ODF2: variants seen among roughly 807,000 people sequenced by gnomAD.
ODF2 encodes the protein outer dense fiber protein 2.
ODF2 carries 47 observed loss-of-function variants against 110.2 expected under a neutral mutation model. The ratio of observed to expected loss-of-function variants is 0.43; its 90% CI spans 0.34 to 0.54. ODF2 has a LOEUF of 0.54. Ranked by LOEUF, ODF2 falls within the 20% of genes least tolerant of loss-of-function variation. ODF2 has a pLI of 0.03. For synonymous variants in ODF2, 352 were observed against 397.7 expected (o/e 0.89, Z 1.37); for missense variants, 812 against 1,054.5 (o/e 0.77, Z 3.19).
At chr9:128,456,751 C>CGCCCGGCGGGGGGGG in intron 1 of ODF2, 1 of 962,794 alleles carries the variant, frequency 1.0e-6, no homozygotes, top group Non-Finnish European at 1.2e-6. Flanking sequence ...CCAGGGCCCT[C>CGCCCGGCGGGGGGGG]GCCCGGCGGG....
intron 18 of ODF2, chr9:128,497,447 ATATATATATATATATATATATATATATAT>A (rs2064636532): frequency 2.6e-5 from 1 of 37,872 alleles, no homozygotes; most frequent in Non-Finnish European, 4.0e-5. Context: ...AAAAAAAAAA[ATATATATATATATATATATATATATATAT>A]ATATATATAT....
At chr9:128,500,101 T>C (rs1185147179) in exon 21 of ODF2, 1 of 1,614,156 alleles carries the variant, frequency 6.2e-7, no homozygotes. Context: ...CTGCAAGACC[T>C]GAAAGATCGC....
intron 1 of ODF2, chr9:128,457,033 G>A: frequency 1.6e-6 from 2 of 1,278,936 alleles, no homozygotes; most frequent in Non-Finnish European, 2.0e-6. Flanking sequence ...CGCCCTCTCC[G>A]CACGTCCGCC....
chr9:128,455,304 C>A, upstream of ODF2: 1 of 1,391,902 alleles, frequency 7.2e-7, no homozygotes, highest in Non-Finnish European at 9.8e-7. Context: ...GTAATACAAG[C>A]ACTTTGGAAG....
Position 128,494,973 on chromosome 9 carries a change from C to A in ODF2, c.1911+305C>A. On this transcript the variant is annotated intron_variant, in intron 17 of 20. Transcript: ENST00000604420. The surrounding 1 kb of genome is among the most constrained non-coding windows in gnomAD (Gnocchi z 4.6). ...TCCGCAGCTGTCCTCAGCTCCACACCCACAGCTGGGAGATGCCAGCAGACA... is the reference window on the plus strand; with the variant it reads ...TCCGCAGCTGTCCTCAGCTCCACACACACAGCTGGGAGATGCCAGCAGACA... The A allele has an allele frequency of 1.4e-6, 1 of 694,976 alleles. No homozygotes were observed. The highest frequency in any genetic ancestry group is 2.3e-6 in the Non-Finnish European group (1 of 438,520). The allele number at this position is 694,976 out of a possible 1,614,324, so 43.1% of individuals were successfully genotyped here. A position where few individuals can be genotyped will look rare whatever the true frequency, so the allele number is the denominator to read the frequency against.
intron 4 of ODF2, among the ~76,000 whole-genome samples, chr9:128,468,167 A>G (rs1838791147): frequency 6.6e-6 from 1 of 151,956 alleles, no homozygotes; most frequent in Non-Finnish European, 1.5e-5. Context: ...TTTCCAATTT[A>G]CCCACTTGTT....
At chr9:128,462,936 T>C (rs866766812) in intron 4 of ODF2, among the ~76,000 whole-genome samples, 2 of 152,112 alleles carry the variant, frequency 1.3e-5, no homozygotes, top group South Asian at 4.1e-4. Context: ...GGAAGCAACC[T>C]AAATGTCCAT....
chr9:128,461,178 C>A lies in ODF2; in HGVS notation c.249+111C>A, dbSNP rs1836353150. The A allele has an allele frequency of 3.7e-6, 5 of 1,359,542 alleles. 1 individual carries two copies. The highest frequency in any genetic ancestry group is 2.8e-5 in the South Asian group (2 of 72,568). The allele number at this position is 1,359,542 out of a possible 1,614,324, so 84.2% of individuals were successfully genotyped here. On this transcript the variant is annotated intron_variant, in intron 4 of 20. Coordinates refer to ENST00000604420, the Ensembl canonical transcript of ODF2. ...TAGCTACTGGAATGTCCTAACAGAC[C>A]CCATTTACTGAGGGCCTTGCTAAAC...
At chr9:128,456,586 C>T (rs996849847) in intron 1 of ODF2, 5 of 1,522,552 alleles carry the variant, frequency 3.3e-6, no homozygotes, top group African/African-American at 2.8e-5. Context: ...GGTGGGTGGC[C>T]GTCCCTTCTC....
At chr9:128,458,944 A>C (rs889932070) in intron 2 of ODF2, among the ~76,000 whole-genome samples, 1 of 151,934 alleles carries the variant, frequency 6.6e-6, no homozygotes, top group Non-Finnish European at 1.5e-5. Flanking sequence ...TCCCAGGCTT[A>C]ATTGATTCTC....
At chr9:128,473,920 G>T (rs948489710) in intron 8 of ODF2, among the ~76,000 whole-genome samples, 179 bp downstream of exon 8, 1 of 152,162 alleles carries the variant, frequency 6.6e-6, no homozygotes, top group African/African-American at 2.4e-5. Flanking sequence ...CATCTTAGAT[G>T]CCGTTGAATC....
chr9:128,497,483 A>ATG (rs1564533337), intron 18 of ODF2: 17 of 117,820 alleles, frequency 1.4e-4, no homozygotes, highest in South Asian at 8.4e-4. Flanking sequence ...ATATATATAT[A>ATG]TATGTATAAA....
At chr9:128,457,113 C>G in intron 1 of ODF2, 1 of 1,413,140 alleles carries the variant, frequency 7.1e-7, no homozygotes, top group Non-Finnish European at 9.3e-7. Context: ...TGGTCCTTTC[C>G]CTCGCGGTTC....
At chr9:128,457,280 T>C (rs1835139640) in exon 2 of ODF2, 7 of 1,602,908 alleles carry the variant, frequency 4.4e-6, no homozygotes, top group Admixed American at 3.3e-5. Context: ...TCCACCCTTC[T>C]CCCCTCAGAG....
intron 4 of ODF2, among the ~76,000 whole-genome samples, chr9:128,468,672 A>G (rs1838927922): frequency 6.6e-6 from 1 of 152,040 alleles, no homozygotes; most frequent in Non-Finnish European, 1.5e-5. Flanking sequence ...ACAGGCATGC[A>G]CCACCATGTC....
chr9:128,458,576 G>GCT (rs1327748141), intron 2 of ODF2, among the ~76,000 whole-genome samples: 1 of 143,666 alleles, frequency 7.0e-6, no homozygotes, highest in Non-Finnish European at 1.5e-5. Context: ...ATAGACTTTT[G>GCT]CTCTCTCTCT....
At chr9:128,466,930 TTG>T (rs1171076359) in intron 4 of ODF2, among the ~76,000 whole-genome samples, 2 of 126,936 alleles carry the variant, frequency 1.6e-5, no homozygotes, top group Non-Finnish European at 3.1e-5. Flanking sequence ...TGAGCCGAGA[TTG>T]CACCACTGCA....
chr9:128,455,193 G>A (rs1027415040), upstream of ODF2: 1 of 1,535,006 alleles, frequency 6.5e-7, no homozygotes, highest in African/African-American at 1.4e-5. Flanking sequence ...GCATAATTGA[G>A]AAGATGGCGG....
rs1843110957 is a variant in ODF2 at position 128,485,057 on chromosome 9, G to A, written c.1290+171G>A. The A allele has an allele frequency of 2.8e-6, 2 of 713,874 alleles. No homozygotes were observed. The highest frequency in any genetic ancestry group is 2.4e-5 in the Admixed American group (1 of 42,062). 44.2% of individuals were successfully genotyped at this position (713,874 alleles called of 1,614,324 possible). ...GAGAGGGAGTTAAGGGGATCAAATGGGTAAAAGCTGGAGGGATGGGTGGCT... is the reference window on the plus strand; with the variant it reads ...GAGAGGGAGTTAAGGGGATCAAATGAGTAAAAGCTGGAGGGATGGGTGGCT... On this transcript the variant is annotated intron_variant, in intron 12 of 20. Coordinates refer to ENST00000604420, the Ensembl canonical transcript of ODF2. The surrounding 1 kb of genome is among the most constrained non-coding windows in gnomAD (Gnocchi z 5.0).
Sources: gnomAD v4.1 joint callset for allele counts (sites outside exome capture counted in the v4.1 genomes callset) on GRCh38, gnomAD v4.1.1 for gene constraint, Gnocchi (gnomAD v3.1) non-coding constraint, MANE v1.5 for transcripts, NCBI Gene and HGNC (gene_info 2026-07-23, HGNC 2026-07-21) for gene names.